Variants in ADAMTS18 observed in about 807,000 individuals in gnomAD.
ADAMTS18 encodes A disintegrin and metalloproteinase with thrombospondin motifs 18.
Under a neutral mutation model 165.9 loss-of-function variants are expected in ADAMTS18, and 157 were observed. The ratio of observed to expected loss-of-function variants is 0.95; its 90% CI spans 0.83 to 1.08. The LOEUF is 1.08. Among genes scored for constraint, ADAMTS18 ranks in the 50% least tolerant of loss-of-function variants. The probability of loss-of-function intolerance (pLI) is 0.00; values close to 1 mark genes in which losing one functional copy is unlikely to be tolerated. For synonymous variants in ADAMTS18, 782 were observed against 578.2 expected (o/e 1.35, Z -5.06); for missense variants, 2,040 against 1,534.0 (o/e 1.33, Z -5.51).
At chr16:77,399,856 T>C (rs2057303455) in intron 3 of ADAMTS18, among the ~76,000 whole-genome samples, 2 of 152,296 alleles carry the variant, frequency 1.3e-5, no homozygotes, top group Middle Eastern at 3.4e-3. Context: ...ATAACTGTAA[T>C]GTCCCTAAGT....
At chr16:77,293,027 G>A in intron 20 of ADAMTS18, 49 bp downstream of exon 20, 1 of 1,610,312 alleles carries the variant, frequency 6.2e-7, no homozygotes, top group Non-Finnish European at 8.5e-7. Flanking sequence ...CACTGTGTTA[G>A]CCAGGATGGT....
At chr16:77,350,067 G>A (rs907257894) in intron 10 of ADAMTS18, among the ~76,000 whole-genome samples, 3 of 152,160 alleles carry the variant, frequency 2.0e-5, no homozygotes, top group African/African-American at 2.4e-5. Context: ...CAGCGCTTGG[G>A]ACCCTCTGAC....
chr16:77,397,064 C>T (rs2057267273), intron 3 of ADAMTS18, among the ~76,000 whole-genome samples: 1 of 152,154 alleles, frequency 6.6e-6, no homozygotes, highest in African/African-American at 2.4e-5. Flanking sequence ...CTGCCTCAGC[C>T]TCCCAAAGTG....
chr16:77,283,801 T>C lies in ADAMTS18; in HGVS notation c.*155A>G, dbSNP rs1038051811. On this transcript the variant is annotated 3_prime_UTR_variant, in exon 23 of 23. Transcript: ENST00000282849. ...TCAGGGAATTGAGCTAGAAGCCTAC[T>C]GGCAACCTGTCTGTTCCTCAGAGCA... 1.4e-4 allele frequency: 92 copies of C among 641,122 alleles called. No homozygotes were observed. The highest frequency in any genetic ancestry group is 4.2e-4 in the Middle Eastern group (1 of 2,378). 39.7% of individuals were successfully genotyped at this position (641,122 alleles called of 1,614,324 possible).
chr16:77,300,382 G>A lies in ADAMTS18; in HGVS notation c.2555C>T (p.Pro852Leu), dbSNP rs768952316. 3 of 1,613,884 alleles carry A rather than the reference G, an allele frequency of 1.9e-6. No homozygotes were observed. The highest frequency in any genetic ancestry group is 1.7e-4 in the Middle Eastern group (1 of 6,060). The change falls in exon 17 of 23, where the codon CCA (proline) becomes CTA (leucine). Residue 852 changes from proline (P) to leucine (L), a missense_variant. Pro to Leu is a moderately conservative substitution (Grantham distance 98). Transcript: ENST00000282849. Reference sequence around the variant, plus strand: ...AAGTGCATACTTCCAAGCTATCCCTGGATTTTTGCCTTGCATCAGAATCTG... The same window carrying A: ...AAGTGCATACTTCCAAGCTATCCCTAGATTTTTGCCTTGCATCAGAATCTG... ...VFEILMQGKN[P>L]GIAWKYALPK... is the part of the protein sequence containing the mutation.
In ADAMTS18 at chr16:77,364,269, G is replaced by A. The variant is rs2056759251; in HGVS notation, c.891C>T (p.Thr297=). The A allele has an allele frequency of 6.2e-7, 1 of 1,613,762 alleles. No homozygotes were observed. Among genetic ancestry groups the A allele is most frequent in the Non-Finnish European group, 8.5e-7 (1 of 1,180,002 alleles). Residue 297 remains threonine (T), a synonymous_variant, in exon 5 of 23, where the codon ACC becomes ACT. Coordinates refer to ENST00000282849, the MANE Select transcript of ADAMTS18 (RefSeq NM_199355.4). ...GKSQKGLNVE[T]LVVADKKMVE... is the part of the protein sequence containing the mutation. The stretch of plus-strand genomic sequence containing the variant: ...CCATTTTCTTGTCTGCCACCACGAG[G>A]GTTTCCACATTGAGGCCCTTTTGTG...
Position 77,282,294 on chromosome 16 carries a change from AT to A in ADAMTS18, c.*1661del, listed in dbSNP as rs1473779177. Reference sequence around the variant, plus strand: ...CACATAATAGGCTATTAATTAATAAATTAATTTTCCATAAAATAATAAAATG... The same window carrying A: ...CACATAATAGGCTATTAATTAATAAATAATTTTCCATAAAATAATAAAATG... On this transcript the variant is annotated 3_prime_UTR_variant, in exon 23 of 23. Transcript: ENST00000282849. 6.6e-6 allele frequency: 1 copy of A among 152,146 alleles called. No homozygotes were observed. The highest frequency in any genetic ancestry group is 2.4e-5 in the African/African-American group (1 of 41,446). The allele number at this position is 152,146 out of a possible 1,614,324, so 9.4% of individuals were successfully genotyped here.
intron 12 of ADAMTS18, among the ~76,000 whole-genome samples, chr16:77,329,488 G>C (rs1326838415): frequency 1.3e-5 from 2 of 152,114 alleles, no homozygotes; most frequent in African/African-American, 4.8e-5. Context: ...TGCAAAATAG[G>C]AACAGTTGTG....
At chr16:77,422,330 C>T (rs983237712) in intron 3 of ADAMTS18, among the ~76,000 whole-genome samples, 2 of 151,776 alleles carry the variant, frequency 1.3e-5, no homozygotes, top group Non-Finnish European at 2.9e-5. Context: ...CCGCAGATGC[C>T]AGGTACCCAA....
chr16:77,294,801 A>T (rs1858767637), intron 19 of ADAMTS18, 122 bp downstream of exon 19: 1 of 968,320 alleles, frequency 1.0e-6, no homozygotes, highest in African/African-American at 1.6e-5. Context: ...TCCCAGGCAC[A>T]TGAACTCAGG....
In ADAMTS18 at chr16:77,433,956, G is replaced by GA. The variant is rs200038212; in HGVS notation, c.178+461dup. Among the ~76,000 whole-genome samples the GA allele has an allele frequency of 2.1e-3, 311 of 149,086 alleles. 2 individuals carry two copies. The highest frequency in any genetic ancestry group is 6.2e-3 in the African/African-American group (251 of 40,640). On this transcript the variant is annotated intron_variant, in intron 2 of 22. Coordinates refer to ENST00000282849, the MANE Select transcript of ADAMTS18 (RefSeq NM_199355.4). Reference sequence around the variant, plus strand: ...TCCGTAAAACAAGGGAAGCAGAAATGAAAAAAAAAGAAGAGATAGAAAAGG... The same window carrying GA: ...TCCGTAAAACAAGGGAAGCAGAAATGAAAAAAAAAAGAAGAGATAGAAAAGG...
intron 22 of ADAMTS18, 113 bp downstream of exon 22, chr16:77,289,151 G>A: frequency 7.2e-7 from 1 of 1,384,606 alleles, no homozygotes; most frequent in Non-Finnish European, 1.0e-6. Flanking sequence ...GACTTCGGGT[G>A]AATGGCTTAC....
intron 19 of ADAMTS18, among the ~76,000 whole-genome samples, chr16:77,294,395 G>C (rs2055425559): frequency 6.6e-6 from 1 of 152,162 alleles, no homozygotes; most frequent in East Asian, 1.9e-4. Context: ...CCACGGTTGA[G>C]AACCTTTGCT....
chr16:77,411,066 C>T (rs1190835434), intron 3 of ADAMTS18, among the ~76,000 whole-genome samples: 1 of 152,148 alleles, frequency 6.6e-6, no homozygotes, highest in Admixed American at 6.5e-5. Flanking sequence ...AACTGACTAC[C>T]TGTTTTAGGT....
intron 16 of ADAMTS18, among the ~76,000 whole-genome samples, chr16:77,301,970 G>C (rs1299937885): frequency 6.7e-6 from 1 of 148,522 alleles, no homozygotes; most frequent in East Asian, 2.0e-4. Context: ...AAAGTCTTAG[G>C]AGTCTTTTAT....
chr16:77,383,131 G>T (rs1048540445), intron 3 of ADAMTS18, among the ~76,000 whole-genome samples: 3 of 152,044 alleles, frequency 2.0e-5, no homozygotes, highest in Non-Finnish European at 4.4e-5. Flanking sequence ...TTCCAGTCTG[G>T]TCATGTATTG....
At chr16:77,345,268 C>G (rs1166256054) in intron 10 of ADAMTS18, among the ~76,000 whole-genome samples, 2 of 152,146 alleles carry the variant, frequency 1.3e-5, no homozygotes, top group East Asian at 1.9e-4. Flanking sequence ...AATAAAAGTT[C>G]TTCATTGGCT....
intron 3 of ADAMTS18, among the ~76,000 whole-genome samples, chr16:77,430,429 G>C (rs537556565): frequency 3.3e-5 from 5 of 152,294 alleles, no homozygotes; most frequent in African/African-American, 1.2e-4. Context: ...CTCTTGCTTT[G>C]TGCCATGATG....
chr16:77,287,452 G>T (rs1597076167), intron 22 of ADAMTS18, among the ~76,000 whole-genome samples: 1 of 152,008 alleles, frequency 6.6e-6, no homozygotes, highest in Admixed American at 6.5e-5. Flanking sequence ...TCTTCCAAAA[G>T]CCACCTGACT....
Sources: allele counts gnomAD v4.1 joint callset (sites outside exome capture counted in the v4.1 genomes callset), GRCh38; gene constraint gnomAD v4.1.1; transcripts MANE v1.5; gene names NCBI Gene and HGNC (gene_info 2026-07-23, HGNC 2026-07-21).